Variants in KIF26B observed in about 807,000 individuals in gnomAD.
KIF26B encodes the protein kinesin-like protein KIF26B.
A neutral mutation model predicts 151.2 loss-of-function variants in KIF26B; 63 were observed. The ratio of observed to expected loss-of-function variants is 0.42; its 90% confidence interval spans 0.34 to 0.51. The LOEUF is 0.51. KIF26B is among the 20% of genes least tolerant of loss of function. KIF26B has a pLI of 0.07. For missense variants in KIF26B, 2,813 were observed against 2,913.6 expected (o/e 0.97, Z 0.79); for synonymous variants, 1,357 against 1,262.1 (o/e 1.08, Z -1.59).
chr1:245,680,619 G>A (rs1444360611), intron 10 of KIF26B, among the ~76,000 whole-genome samples: 1 of 152,080 alleles, frequency 6.6e-6, no homozygotes, highest in African/African-American at 2.4e-5. Context: ...GAGACCCAGG[G>A]GATCTGCCGT....
chr1:245,566,384 G>A (rs566135579), intron 5 of KIF26B, among the ~76,000 whole-genome samples: 12 of 152,206 alleles, frequency 7.9e-5, no homozygotes, highest in South Asian at 6.2e-4. Flanking sequence ...GGCTCCTCAC[G>A]GATTTTGCAT....
intron 3 of KIF26B, among the ~76,000 whole-genome samples, chr1:245,377,192 G>A (rs1483272874): frequency 1.3e-5 from 2 of 152,250 alleles, no homozygotes; most frequent in African/African-American, 2.4e-5. Flanking sequence ...TGGAATTACA[G>A]GCGTGAGCCA....
chr1:245,474,646 C>T (rs559395390), intron 4 of KIF26B, among the ~76,000 whole-genome samples: 73 of 151,418 alleles, frequency 4.8e-4, no homozygotes, highest in Non-Finnish European at 7.4e-4. Context: ...CTCCTGACTT[C>T]AGGTGATCCG....
chr1:245,498,613 A>G (rs191326177), intron 4 of KIF26B, among the ~76,000 whole-genome samples: 160 of 152,312 alleles, frequency 1.1e-3, no homozygotes, highest in Non-Finnish European at 1.9e-3. Flanking sequence ...CTGAAAAGAT[A>G]GTTCAAATCT....
At chr1:245,490,941 G>A (rs1376795199) in intron 4 of KIF26B, among the ~76,000 whole-genome samples, 1 of 152,216 alleles carries the variant, frequency 6.6e-6, no homozygotes, top group Non-Finnish European at 1.5e-5. Flanking sequence ...AATCAAAACA[G>A]TGCAGGTAAA....
intron 2 of KIF26B, among the ~76,000 whole-genome samples, chr1:245,328,492 C>A (rs1349339577): frequency 6.6e-6 from 1 of 152,154 alleles, no homozygotes; most frequent in Middle Eastern, 3.2e-3. Context: ...TAGAGCTAAA[C>A]TGAATGCCTG....
chr1:245,580,714 G>T (rs976960756), intron 5 of KIF26B, among the ~76,000 whole-genome samples: 1 of 152,198 alleles, frequency 6.6e-6, no homozygotes, highest in African/African-American at 2.4e-5. Flanking sequence ...GCATGGATTA[G>T]AACAGTCTTT....
intron 2 of KIF26B, among the ~76,000 whole-genome samples, chr1:245,245,977 A>G (rs2103562449): frequency 6.7e-6 from 1 of 149,726 alleles, no homozygotes; most frequent in South Asian, 2.1e-4. Context: ...TTGTAGTCCC[A>G]GCTACTCAGG....
At position 245,190,736 on chromosome 1, in the gene KIF26B, AG is replaced by A. The variant is rs550053301; in HGVS notation, c.465+34055del. On this transcript the variant is annotated intron_variant, in intron 2 of 14. Transcript: ENST00000407071. Reference sequence around the variant, plus strand: ...TTGAAGAAAGTAGTCATTTTCCCTTAGGCTTATGATGCCTCAGTCTCCCTAT... The same window carrying A: ...TTGAAGAAAGTAGTCATTTTCCCTTAGCTTATGATGCCTCAGTCTCCCTAT... 7.5e-5 allele frequency among the ~76,000 whole-genome samples: 11 copies of A among 146,598 alleles called. No individual in the cohort carries two copies. The South Asian group carries it at 2.3e-3, about 31-fold the overall frequency.
At chr1:245,535,164 C>A (rs748928477) in intron 4 of KIF26B, among the ~76,000 whole-genome samples, 6 of 152,110 alleles carry the variant, frequency 3.9e-5, no homozygotes, top group Admixed American at 3.3e-4. Context: ...GATTTCTCAA[C>A]CTTAACCTTC....
chr1:245,379,559 A>T (rs1572032901), intron 3 of KIF26B, among the ~76,000 whole-genome samples: 2 of 148,914 alleles, frequency 1.3e-5, no homozygotes, highest in African/African-American at 5.0e-5. Flanking sequence ...TTCCTTATCT[A>T]TATGCTTATG....
chr1:245,160,306 G>A (rs2103517023), intron 2 of KIF26B, among the ~76,000 whole-genome samples: 1 of 152,318 alleles, frequency 6.6e-6, no homozygotes, highest in East Asian at 1.9e-4. Flanking sequence ...ATAAAAGAAT[G>A]TGGACGTGTA....
intron 2 of KIF26B, among the ~76,000 whole-genome samples, chr1:245,183,635 T>C (rs1264594368): frequency 6.6e-6 from 1 of 152,166 alleles, no homozygotes; most frequent in Non-Finnish European, 1.5e-5. Context: ...ACGTAAGAAT[T>C]TGGCACATGA....
At chr1:245,328,189 T>C (rs1216653782) in intron 2 of KIF26B, among the ~76,000 whole-genome samples, 1 of 141,164 alleles carries the variant, frequency 7.1e-6, no homozygotes, top group Non-Finnish European at 1.5e-5. Context: ...GAGGTGGGGG[T>C]GCCTGAGCCT....
At chr1:245,390,953 C>CAAAACAAAAAAAAAA (rs1491437625) in intron 3 of KIF26B, among the ~76,000 whole-genome samples, 1 of 48,810 alleles carries the variant, frequency 2.0e-5, no homozygotes, top group East Asian at 6.8e-4. Context: ...AAAAAAAAAA[C>CAAAACAAAAAAAAAA]CACCATAAAA....
chr1:245,301,147 T>G (rs577626873), intron 2 of KIF26B, among the ~76,000 whole-genome samples: 1 of 152,296 alleles, frequency 6.6e-6, no homozygotes, highest in East Asian at 1.9e-4. Context: ...CAAATGAATT[T>G]AAACCTCATT....
rs1305244535 is a variant in KIF26B at position 245,602,337 on chromosome 1, G to A, written c.1351-240G>A. 6.6e-6 allele frequency among the ~76,000 whole-genome samples: 1 copy of A among 152,168 alleles called. No individual in the cohort carries two copies. Among genetic ancestry groups the A allele is most frequent in the African/African-American group, 2.4e-5 (1 of 41,426 alleles). ...AATAGGAAGACAAAGAACATGATGT[G>A]CCAGCTCCATATTGAAGTAATGGGC... On this transcript the variant is annotated intron_variant, in intron 5 of 14. Transcript: ENST00000407071. The surrounding 1 kb of genome is among the most constrained non-coding windows in gnomAD (Gnocchi z 4.5).
Position 245,597,946 on chromosome 1 carries a change from A to G in KIF26B, c.1351-4631A>G, listed in dbSNP as rs902985427. On this transcript the variant is annotated intron_variant, in intron 5 of 14. Transcript: ENST00000407071. This position sits in a 1 kb window ranked among gnomAD's most constrained non-coding sequence, Gnocchi z 4.6. ...CAGCTATTGATACTGTGTGTGCTTC[A>G]TGAAGTTCTCATGCTGTGTTTTTCA... Among the ~76,000 whole-genome samples, 3 of 151,916 alleles carry G rather than the reference A, an allele frequency of 2.0e-5. No individual in the cohort carries two copies. Among genetic ancestry groups the G allele is most frequent in the Admixed American group, 1.3e-4 (2 of 15,250 alleles).
chr1:245,367,215 T>G lies in KIF26B; in HGVS notation c.847T>G (p.Ser283Ala). 3 of 1,609,804 alleles carry G rather than the reference T, an allele frequency of 1.9e-6. No homozygotes were observed. Among genetic ancestry groups the G allele is most frequent in the Non-Finnish European group, 2.5e-6 (3 of 1,178,150 alleles). The change falls in exon 3 of 15, where the codon TCC becomes GCC. Residue 283 changes from serine (S) to alanine (A), a missense_variant. By Grantham distance (99) the Ser-to-Ala change is moderately conservative. Transcript: ENST00000407071. The surrounding 1 kb of genome is among the most constrained non-coding windows in gnomAD (Gnocchi z 4.2). ...CAATGGGGCGGAAAAGAAGAGCGGG[T>G]CCCCAACCCACCAGGCCAAGGTCAG... ...VSNGAEKKSGSPTHQAKVSLQ... is the reference protein window; with the variant it reads ...VSNGAEKKSGAPTHQAKVSLQ...
Sources: gnomAD v4.1 joint callset for allele counts (sites outside exome capture counted in the v4.1 genomes callset) on GRCh38, gnomAD v4.1.1 for gene constraint, Gnocchi (gnomAD v3.1) non-coding constraint, MANE v1.5 for transcripts, NCBI Gene and HGNC (gene_info 2026-07-23, HGNC 2026-07-21) for gene names.